The following TUSC3 variants were observed in gnomAD, a reference collection of about 807,000 sequenced individuals.
TUSC3 encodes the protein tumor suppressor candidate 3, also known as dolichyl-diphosphooligosaccharide--protein glycosyltransferase subunit TUSC3.
A neutral mutation model predicts 44.8 loss-of-function variants in TUSC3; 45 were observed. The ratio of observed to expected loss-of-function variants is 1.00; its 90% confidence interval spans 0.79 to 1.29. The LOEUF is 1.29. Among genes scored for constraint, TUSC3 ranks in the 50% most tolerant of loss-of-function variants. TUSC3 has a pLI of 0.00. For missense variants in TUSC3, 519 were observed against 437.9 expected, an observed-to-expected ratio of 1.19 and a Z score of -1.65; for synonymous variants, 212 against 152.9, an observed-to-expected ratio of 1.39 and a Z score of -2.85.
In TUSC3 at chr8:15,544,869, C is replaced by T. The variant is rs189705587; in HGVS notation, c.138+4301C>T. 2.5e-3 allele frequency among the ~76,000 whole-genome samples: 375 copies of T among 151,782 alleles called. 7 individuals carry two copies. Among genetic ancestry groups the T allele is most frequent in the African/African-American group, 8.7e-3 (362 of 41,484 alleles). ...TTGTATGTATGACCACCCCTTGAAG[C>T]GTGATTGGAAATAGCCAAAGCTGCT... On this transcript the variant is annotated intron_variant, in intron 1 of 10. Coordinates refer to ENST00000503731, the MANE Select transcript of TUSC3 (RefSeq NM_006765.4).
intron 6 of TUSC3, among the ~76,000 whole-genome samples, chr8:15,700,806 G>A (rs1299924374): frequency 7.4e-6 from 1 of 134,570 alleles, no homozygotes; most frequent in South Asian, 2.4e-4. Context: ...AAGAATGTTT[G>A]TTGTCCCTTT....
In TUSC3 at chr8:15,448,745, A is replaced by T. The variant is rs148767422; in HGVS notation, n.91+31440A>T. On this transcript the variant is annotated intron_variant and non_coding_transcript_variant, in intron 1 of 5. Coordinates refer to the TUSC3 transcript ENST00000503191. ...AAAATGTTTTAATTGCAGCAAAAAGATATTTATGCATTGTAAACAAAAAAG... is the reference window on the plus strand; with the variant it reads ...AAAATGTTTTAATTGCAGCAAAAAGTTATTTATGCATTGTAAACAAAAAAG... Among the ~76,000 whole-genome samples, 345 of 152,320 alleles carry T rather than the reference A, an allele frequency of 2.3e-3. 2 individuals are homozygous for T. The highest frequency in any genetic ancestry group is 6.4e-3 in the African/African-American group (265 of 41,572).
intron 10 of TUSC3, among the ~76,000 whole-genome samples, chr8:15,760,783 G>A (rs960574196): frequency 8.5e-5 from 13 of 152,140 alleles, no homozygotes; most frequent in African/African-American, 3.1e-4. Context: ...GCTCTTTACA[G>A]AAAATGTGCT....
At chr8:15,617,806 G>A (rs1014499483) in intron 1 of TUSC3, among the ~76,000 whole-genome samples, 1 of 152,090 alleles carries the variant, frequency 6.6e-6, no homozygotes, top group African/African-American at 2.4e-5. Context: ...TCCCAACCCT[G>A]GCTGATCATT....
chr8:15,811,632 G>C, the TUSC3 span, among the ~76,000 whole-genome samples: 1 of 152,280 alleles, frequency 6.6e-6, no homozygotes, highest in African/African-American at 2.4e-5. Flanking sequence ...GAATGTGAGC[G>C]AACAGGTGAA....
At chr8:15,738,827 C>CTTTTTTTTTTTTTTTTT (rs375655033) in intron 7 of TUSC3, among the ~76,000 whole-genome samples, 3 of 87,202 alleles carry the variant, frequency 3.4e-5, no homozygotes, top group African/African-American at 1.5e-4. Flanking sequence ...ATATATCTTG[C>CTTTTTTTTTTTTTTTTT]TTTTTTTTTT....
chr8:15,835,070 AT>A, the TUSC3 span, among the ~76,000 whole-genome samples: 14 of 152,128 alleles, frequency 9.2e-5, no homozygotes, highest in African/African-American at 2.7e-4. Context: ...TTCATAAACA[AT>A]TTTTTGGGGG....
At chr8:15,575,495 G>A (rs1381402822) in intron 1 of TUSC3, among the ~76,000 whole-genome samples, 6 of 152,132 alleles carry the variant, frequency 3.9e-5, no homozygotes, top group Admixed American at 3.9e-4. Context: ...GCTGGGTATG[G>A]TGGCTCACGC....
At chr8:15,664,173 C>G (rs1807552128) in intron 5 of TUSC3, among the ~76,000 whole-genome samples, 1 of 151,626 alleles carries the variant, frequency 6.6e-6, no homozygotes, top group Admixed American at 6.6e-5. Flanking sequence ...ATTCAGTAAT[C>G]TCAACTTGTA....
At chr8:15,831,989 C>T in the TUSC3 span, among the ~76,000 whole-genome samples, 84 of 152,206 alleles carry the variant, frequency 5.5e-4, no homozygotes, top group African/African-American at 1.9e-3. Flanking sequence ...GACACATAGT[C>T]ATCAGATTCT....
chr8:15,833,491 A>T, the TUSC3 span, among the ~76,000 whole-genome samples: 1 of 152,216 alleles, frequency 6.6e-6, no homozygotes, highest in African/African-American at 2.4e-5. Context: ...GGATGAAGAA[A>T]ATGTGGTAGT....
At chr8:15,550,695 A>G (rs1802032947) in intron 1 of TUSC3, among the ~76,000 whole-genome samples, 1 of 151,192 alleles carries the variant, frequency 6.6e-6, no homozygotes, top group South Asian at 2.1e-4. Context: ...TTTTAAAGAT[A>G]GTGTCTCTCA....
intron 1 of TUSC3, among the ~76,000 whole-genome samples, chr8:15,432,133 T>C: frequency 6.6e-6 from 1 of 151,972 alleles, no homozygotes; most frequent in East Asian, 2.0e-4. Flanking sequence ...ATAAAATGAG[T>C]ATGGAAGTGT....
chr8:15,566,684 A>G (rs988990260), intron 1 of TUSC3, among the ~76,000 whole-genome samples: 15 of 151,888 alleles, frequency 9.9e-5, no homozygotes, highest in Non-Finnish European at 1.9e-4. Flanking sequence ...CACTGGCACA[A>G]TCACAGCTCA....
At position 15,442,845 on chromosome 8, in the gene TUSC3, T is replaced by C. The variant is rs1362051706; in HGVS notation, n.91+25540T>C. Among the ~76,000 whole-genome samples, 3 of 152,216 alleles carry C rather than the reference T, an allele frequency of 2.0e-5. No individual in the cohort carries two copies. The East Asian group carries it at 5.8e-4, about 29-fold the overall frequency. ...CCTCAGCCTTGGTCTTCTGTATCCATGGTGCATGGAGCCCAGTTGTAGACA... is the reference window on the plus strand; with the variant it reads ...CCTCAGCCTTGGTCTTCTGTATCCACGGTGCATGGAGCCCAGTTGTAGACA... On this transcript the variant is annotated intron_variant and non_coding_transcript_variant, in intron 1 of 5. Coordinates refer to the TUSC3 transcript ENST00000503191.
At chr8:15,796,753 G>A in the TUSC3 span, among the ~76,000 whole-genome samples, 1 of 152,184 alleles carries the variant, frequency 6.6e-6, no homozygotes, top group African/African-American at 2.4e-5. Flanking sequence ...CTACCAGGAT[G>A]CTAAGATACT....
chr8:15,677,856 G>A lies in TUSC3; in HGVS notation c.798+4020G>A, dbSNP rs189753338. Among the ~76,000 whole-genome samples the A allele has an allele frequency of 4.6e-5, 7 of 152,342 alleles. No homozygotes were observed. In the East Asian group the frequency reaches 1.2e-3, roughly 25 times the overall value. On this transcript the variant is annotated intron_variant, in intron 6 of 10. Transcript: ENST00000503731. ...TGGGAGGAACAGAAAGAGAAAGACA[G>A]AGACATCCACTGGTTGGAGAGGCCT...
intron 6 of TUSC3, among the ~76,000 whole-genome samples, chr8:15,706,334 C>T (rs1484184889): frequency 6.6e-6 from 1 of 151,958 alleles, no homozygotes; most frequent in Non-Finnish European, 1.5e-5. Context: ...AAAGTGTTAT[C>T]TTTTCAAGAG....
intron 6 of TUSC3, among the ~76,000 whole-genome samples, chr8:15,707,850 C>T (rs1051250451): frequency 2.6e-5 from 4 of 151,924 alleles, no homozygotes; most frequent in East Asian, 1.9e-4. Flanking sequence ...AAAAGATTAG[C>T]GGGGTTGGTT....
Sources: gnomAD v4.1 joint callset for allele counts (sites outside exome capture counted in the v4.1 genomes callset) on GRCh38, gnomAD v4.1.1 for gene constraint, MANE v1.5 for transcripts, NCBI Gene and HGNC (gene_info 2026-07-23, HGNC 2026-07-21) for gene names.